Variants in CDH23 observed in about 807,000 individuals in gnomAD.
The protein encoded by CDH23 is cadherin-23.
CDH23 carries 189 observed loss-of-function variants against 317.1 expected under a neutral mutation model. That is an observed-to-expected ratio of 0.60 (90% CI 0.53 to 0.67). The LOEUF is 0.67. Among genes scored for constraint, CDH23 ranks in the 30% least tolerant of loss-of-function variants. The probability of loss-of-function intolerance (pLI) is 0.00; values close to 1 mark genes in which losing one functional copy is unlikely to be tolerated. For missense variants in CDH23, 4,401 were observed against 4,592.4 expected, an observed-to-expected ratio of 0.96 and a Z score of 1.20; for synonymous variants, 1,839 against 1,876.8, an observed-to-expected ratio of 0.98 and a Z score of 0.52.
intron 14 of CDH23, among the ~76,000 whole-genome samples, chr10:71,656,578 GA>G (rs1458343997): frequency 1.3e-5 from 2 of 152,160 alleles, no homozygotes; most frequent in Non-Finnish European, 2.9e-5. Context: ...GTGATGTGGG[GA>G]AATACGACTG....
intron 14 of CDH23, among the ~76,000 whole-genome samples, chr10:71,652,081 C>T (rs1011934896): frequency 2.0e-5 from 3 of 152,232 alleles, no homozygotes; most frequent in Non-Finnish European, 1.5e-5. Flanking sequence ...TCGGAGGAAG[C>T]CAAGAAAGGA....
At chr10:71,812,708 C>T in intron 67 of CDH23, 60 bp from the exon 68 acceptor site, 6 of 1,612,060 alleles carry the variant, frequency 3.7e-6, no homozygotes, top group Non-Finnish European at 5.1e-6. Context: ...GGGGTGGCCC[C>T]CTCCCTTGTA....
In CDH23 at chr10:71,811,738, G is replaced by A; in HGVS notation, c.9304G>A (p.Val3102Met). ...ACACAAGAGGAAGCTCAAGGCCATT[G>A]TGGCTGGCTCAGCTGGTAAGTGAGG... ...TVHKRKLKAI[V>M]AGSAGNRGFI... Residue 3102 changes from valine to methionine, a missense_variant, in exon 65 of 70, where the codon GTG becomes ATG. Around this residue, in one of 3 missense-constraint regions of CDH23, gnomAD observed 1,144 missense variants for 1,138.2 expected, o/e 1.01. Transcript: ENST00000224721. 1.3e-6 allele frequency: 2 copies of A among 1,588,070 alleles called. No homozygotes were observed. The highest frequency in any genetic ancestry group is 1.7e-6 in the Non-Finnish European group (2 of 1,167,344).
intron 3 of CDH23, among the ~76,000 whole-genome samples, chr10:71,485,040 T>C (rs1171005712): frequency 6.7e-6 from 1 of 149,938 alleles, no homozygotes; most frequent in East Asian, 1.9e-4. Flanking sequence ...TTTTTTTTTT[T>C]TTGTGGGACG....
intron 1 of CDH23, among the ~76,000 whole-genome samples, chr10:71,427,713 CTT>C (rs1287974246): frequency 4.0e-4 from 54 of 133,680 alleles, no homozygotes; most frequent in Admixed American, 3.0e-4. Context: ...TCTATGCTTA[CTT>C]TTTTTTTTTT....
intron 3 of CDH23, among the ~76,000 whole-genome samples, chr10:71,506,609 C>T (rs114295794): frequency 0.016 from 2,497 of 152,162 alleles, 58 homozygotes; most frequent in African/African-American, 0.053. Context: ...ATAGCACAAC[C>T]ATAGGTTGCT....
At chr10:71,771,964 C>T (rs1009276798) in intron 38 of CDH23, among the ~76,000 whole-genome samples, 7 of 152,232 alleles carry the variant, frequency 4.6e-5, no homozygotes, top group Admixed American at 2.6e-4. Flanking sequence ...GAGGGCAGTG[C>T]AGGGCAGGTG....
intron 37 of CDH23, among the ~76,000 whole-genome samples, chr10:71,741,213 G>A (rs1394349789): frequency 6.6e-6 from 1 of 152,208 alleles, no homozygotes; most frequent in Non-Finnish European, 1.5e-5. Flanking sequence ...GTTTACCCCG[G>A]GAGCTTGCTT....
intron 6 of CDH23, among the ~76,000 whole-genome samples, chr10:71,557,491 C>T (rs1040965123): frequency 1.2e-4 from 19 of 152,130 alleles, no homozygotes; most frequent in African/African-American, 4.1e-4. Context: ...TGTTATCTCT[C>T]TTCTCTATTG....
At chr10:71,806,634 C>CAGTG (rs1241177894) in intron 57 of CDH23, among the ~76,000 whole-genome samples, 1 of 149,212 alleles carries the variant, frequency 6.7e-6, no homozygotes, top group Non-Finnish European at 1.5e-5. Flanking sequence ...GGCTGGAGTG[C>CAGTG]AGTGGCATGA....
intron 14 of CDH23, 151 bp downstream of exon 14, chr10:71,646,768 T>C: frequency 1.3e-6 from 2 of 1,589,032 alleles, no homozygotes; most frequent in Non-Finnish European, 8.6e-7. Flanking sequence ...TTAAATAAAG[T>C]TTTTGGACTC....
chr10:71,460,838 A>G lies in CDH23; in HGVS notation c.145+14443A>G, dbSNP rs569914762. Among the ~76,000 whole-genome samples the G allele has an allele frequency of 7.6e-4, 115 of 152,298 alleles. 1 individual carries two copies. Among genetic ancestry groups the G allele is most frequent in the African/African-American group, 2.7e-3 (113 of 41,556 alleles). On this transcript the variant is annotated intron_variant, in intron 3 of 69. Coordinates refer to ENST00000224721, the MANE Select transcript of CDH23 (RefSeq NM_022124.6). Reference sequence around the variant, plus strand: ...GGTTCCTGCTGTGGTCCCTTGCTCCAGGCTGCCTTGGACAGTCCAGGAAGA... The same window carrying G: ...GGTTCCTGCTGTGGTCCCTTGCTCCGGGCTGCCTTGGACAGTCCAGGAAGA...
intron 3 of CDH23, among the ~76,000 whole-genome samples, chr10:71,480,348 A>T (rs1852003167): frequency 6.6e-6 from 1 of 152,244 alleles, no homozygotes; most frequent in Non-Finnish European, 1.5e-5. Flanking sequence ...ACAAGCACTT[A>T]AGCCAGGCTG....
At chr10:71,665,267 A>G (rs1472674765) in intron 14 of CDH23, among the ~76,000 whole-genome samples, 2 of 152,142 alleles carry the variant, frequency 1.3e-5, no homozygotes, top group Admixed American at 6.5e-5. Flanking sequence ...CCAGATTCCA[A>G]ACATACCTGG....
intron 22 of CDH23, among the ~76,000 whole-genome samples, chr10:71,701,060 G>A (rs943563600): frequency 6.6e-6 from 1 of 152,198 alleles, no homozygotes; most frequent in Non-Finnish European, 1.5e-5. Context: ...CACCACCACT[G>A]ATCTTGTCCA....
chr10:71,431,165 C>A (rs1456858404), intron 1 of CDH23, among the ~76,000 whole-genome samples: 1 of 152,198 alleles, frequency 6.6e-6, no homozygotes, highest in Non-Finnish European at 1.5e-5. Context: ...GTACACTGCT[C>A]CCCAAAAGAA....
chr10:71,592,950 A>G (rs1859593895), intron 9 of CDH23, among the ~76,000 whole-genome samples: 1 of 152,144 alleles, frequency 6.6e-6, no homozygotes, highest in South Asian at 2.1e-4. Flanking sequence ...CACTCTAGTT[A>G]TCCCATTCTG....
chr10:71,476,191 G>A (rs539864378), intron 3 of CDH23, among the ~76,000 whole-genome samples: 6 of 152,268 alleles, frequency 3.9e-5, no homozygotes, highest in African/African-American at 1.4e-4. Flanking sequence ...GAAAAGTACA[G>A]GATGCTGCAG....
chr10:71,569,555 C>T (rs933516281), intron 7 of CDH23, among the ~76,000 whole-genome samples: 1 of 152,176 alleles, frequency 6.6e-6, no homozygotes, highest in East Asian at 1.9e-4. Context: ...GGTTACTCAG[C>T]AAATTAAGAG....
Sources: gnomAD v4.1 joint callset for allele counts (sites outside exome capture counted in the v4.1 genomes callset) on GRCh38, gnomAD v4.1.1 for gene constraint, gnomAD v4.1.1 regional missense constraint, MANE v1.5 for transcripts, NCBI Gene and HGNC (gene_info 2026-07-23, HGNC 2026-07-21) for gene names.